The following CAAP1 variants were observed in gnomAD, a reference collection of about 807,000 sequenced individuals.
CAAP1 encodes caspase activity and apoptosis inhibitor 1, also known as conserved anti-apoptotic protein.
Under a neutral mutation model 34.0 loss-of-function variants are expected in CAAP1, and 20 were observed. The observed-to-expected ratio is 0.59, with a 90% CI of 0.41 to 0.86. CAAP1 has a LOEUF of 0.86. CAAP1 is among the 40% of genes least tolerant of loss of function. The pLI is 0.00. For missense variants in CAAP1, 538 were observed against 450.5 expected, an observed-to-expected ratio of 1.19 and a Z score of -1.76; for synonymous variants, 213 against 166.7, an observed-to-expected ratio of 1.28 and a Z score of -2.14.
intron 5 of CAAP1, among the ~76,000 whole-genome samples, chr9:26,852,226 G>A (rs1397085556): frequency 1.3e-5 from 2 of 151,994 alleles, no homozygotes; most frequent in Non-Finnish European, 2.9e-5. Context: ...GGCCAAGGGA[G>A]GTGGATCACT....
chr9:26,888,275 C>G (rs1482402752), intron 1 of CAAP1, among the ~76,000 whole-genome samples: 1 of 152,192 alleles, frequency 6.6e-6, no homozygotes, highest in African/African-American at 2.4e-5. Context: ...TATGGCCTAC[C>G]TGGCCTTCAT....
intron 4 of CAAP1, among the ~76,000 whole-genome samples, chr9:26,864,088 TCTC>T (rs748672192): frequency 1.3e-5 from 2 of 151,980 alleles, no homozygotes; most frequent in East Asian, 3.9e-4. Flanking sequence ...CTAACTCACT[TCTC>T]CTATCTCCAA....
intron 5 of CAAP1, among the ~76,000 whole-genome samples, chr9:26,858,763 C>T (rs1023623022): frequency 4.0e-5 from 6 of 149,298 alleles, no homozygotes; most frequent in Non-Finnish European, 7.4e-5. Context: ...GTGGAGCTTG[C>T]AGTGAGCTGA....
intron 5 of CAAP1, among the ~76,000 whole-genome samples, chr9:26,856,693 T>A (rs1223556710): frequency 6.6e-6 from 1 of 152,218 alleles, no homozygotes. Flanking sequence ...AAATTTTGTC[T>A]AATGATAATG....
intron 5 of CAAP1, among the ~76,000 whole-genome samples, chr9:26,847,567 T>C (rs544821590): frequency 6.6e-6 from 1 of 152,250 alleles, no homozygotes; most frequent in African/African-American, 2.4e-5. Flanking sequence ...AGGTTGAGCA[T>C]TCTTTTCCAC....
chr9:26,846,352 G>A (rs1822600847), intron 5 of CAAP1, among the ~76,000 whole-genome samples: 2 of 148,524 alleles, frequency 1.3e-5, no homozygotes, highest in African/African-American at 5.0e-5. Flanking sequence ...GGAGGCAGAG[G>A]GTGCAGTGAG....
intron 4 of CAAP1, among the ~76,000 whole-genome samples, chr9:26,874,622 T>G (rs1823380355): frequency 6.6e-6 from 1 of 152,170 alleles, no homozygotes; most frequent in African/African-American, 2.4e-5. Flanking sequence ...TATTTAGAAA[T>G]GATGGATGTT....
At chr9:26,887,608 C>G in intron 1 of CAAP1, 95 bp from the exon 2 acceptor site, 2 of 765,724 alleles carry the variant, frequency 2.6e-6, no homozygotes, top group South Asian at 2.3e-5. Flanking sequence ...ATAAATTCTT[C>G]TTCATCAAAA....
chr9:26,867,476 T>C (rs1201797722), intron 4 of CAAP1, among the ~76,000 whole-genome samples: 1 of 152,152 alleles, frequency 6.6e-6, no homozygotes, highest in Non-Finnish European at 1.5e-5. Context: ...GTAGTCCCTT[T>C]TGCTATAAAA....
chr9:26,849,617 T>C (rs924305753), intron 5 of CAAP1, among the ~76,000 whole-genome samples: 6 of 152,196 alleles, frequency 3.9e-5, no homozygotes, highest in African/African-American at 1.4e-4. Flanking sequence ...AACTGTCTTT[T>C]ATTTTTCTTG....
intron 5 of CAAP1, among the ~76,000 whole-genome samples, chr9:26,846,705 G>T (rs1480154082): frequency 1.6e-4 from 24 of 147,454 alleles, no homozygotes; most frequent in African/African-American, 5.2e-4. Flanking sequence ...TTTTTTTTTT[G>T]AGACAGAGTT....
rs1267028886 is a variant in CAAP1 at position 26,844,811 on chromosome 9, T to C, written c.740-2164A>G. Among the ~76,000 whole-genome samples the C allele has an allele frequency of 4.6e-5, 7 of 152,246 alleles. No individual in the cohort carries two copies. In the East Asian group the frequency reaches 7.7e-4, roughly 17 times the overall value. ...CTAACCATTGTAATGCTTTTGTCTG[T>C]AATCTAGTTTTTTTCTGTGGCAACT... is the stretch of plus-strand genomic sequence containing the variant. On this transcript the variant is annotated intron_variant, in intron 5 of 5. Transcript: ENST00000333916.
chr9:26,858,831 A>G (rs1380962962), intron 5 of CAAP1, among the ~76,000 whole-genome samples: 1 of 150,598 alleles, frequency 6.6e-6, no homozygotes, highest in Non-Finnish European at 1.5e-5. Context: ...TCAAAAAAAA[A>G]AAAAAAAGAA....
intron 5 of CAAP1, among the ~76,000 whole-genome samples, chr9:26,846,764 C>T (rs1822619996): frequency 6.6e-6 from 1 of 151,920 alleles, no homozygotes; most frequent in Admixed American, 6.5e-5. Context: ...TTCAGCTCAC[C>T]ACAACCTCCA....
chr9:26,882,027 T>C (rs1431572540), intron 4 of CAAP1, among the ~76,000 whole-genome samples: 1 of 152,160 alleles, frequency 6.6e-6, no homozygotes, highest in East Asian at 1.9e-4. Context: ...AGGGAGATGA[T>C]TTAGGGTATC....
At chr9:26,880,394 G>A (rs1342168986) in intron 4 of CAAP1, 2 of 276,816 alleles carry the variant, frequency 7.2e-6, no homozygotes, top group East Asian at 2.2e-4. Flanking sequence ...AGAAACAACT[G>A]ATTTCATGGA....
chr9:26,886,153 C>A lies in CAAP1; in HGVS notation c.540G>T (p.Gln180His). 1 of 1,554,644 alleles carries A rather than the reference C, an allele frequency of 6.4e-7. No homozygotes were observed. The change falls in exon 3 of 6, where the codon CAG (glutamine) becomes CAT (histidine). Residue 180 changes from glutamine to histidine, a missense_variant. Transcript: ENST00000333916. ...TTTCAGACAGGAGCTCTAACTGTTC[C>A]TGGCATAGTTTTTTAATTTCTTCTA... ...CSIEEIKKLC[Q>H]EQLELLSEKK... is the part of the protein sequence containing the mutation.
chr9:26,865,193 A>T (rs897858038), intron 4 of CAAP1, among the ~76,000 whole-genome samples: 1 of 152,212 alleles, frequency 6.6e-6, no homozygotes, highest in African/African-American at 2.4e-5. Context: ...ATAGACACAT[A>T]CCAATGAATT....
chr9:26,877,889 TATTAA>T (rs1291399500), intron 4 of CAAP1, among the ~76,000 whole-genome samples: 2 of 150,150 alleles, frequency 1.3e-5, no homozygotes, highest in Non-Finnish European at 3.0e-5. Context: ...TTTCCTATAT[TATTAA>T]ATTATTATTT....
Sources: gnomAD v4.1 joint callset for allele counts (sites outside exome capture counted in the v4.1 genomes callset) on GRCh38, gnomAD v4.1.1 for gene constraint, MANE v1.5 for transcripts, NCBI Gene and HGNC (gene_info 2026-07-23, HGNC 2026-07-21) for gene names.